SLC14A2: variants seen among roughly 807,000 people sequenced by gnomAD.
The protein encoded by SLC14A2 is solute carrier family 14 member 2, also known as urea transporter 2.
A neutral mutation model predicts 104.6 loss-of-function variants in SLC14A2; 91 were observed. The ratio of observed to expected loss-of-function variants is 0.87; its 90% CI spans 0.73 to 1.04. SLC14A2 has a LOEUF of 1.04. Among genes scored for constraint, SLC14A2 ranks in the 50% least tolerant of loss-of-function variants. The pLI is 0.00. For synonymous variants in SLC14A2, 476 were observed against 466.4 expected (o/e 1.02, Z -0.27); for missense variants, 1,189 against 1,156.0 (o/e 1.03, Z -0.41).
At chr18:45,381,969 C>T (rs1259663961) in intron 1 of SLC14A2, among the ~76,000 whole-genome samples, 1 of 151,972 alleles carries the variant, frequency 6.6e-6, no homozygotes, top group African/African-American at 2.4e-5. Flanking sequence ...CAACTGCTTG[C>T]AAAAAACATG....
chr18:45,593,608 G>C (rs1028314650), intron 2 of SLC14A2, among the ~76,000 whole-genome samples: 3 of 145,640 alleles, frequency 2.1e-5, no homozygotes, highest in African/African-American at 7.6e-5. Context: ...TCCTGCCTCA[G>C]CCTCCCAAGT....
At chr18:45,613,300 G>A (rs2081599658), upstream of SLC14A2, among the ~76,000 whole-genome samples, 1 of 152,174 alleles carries the variant, frequency 6.6e-6, no homozygotes, top group South Asian at 2.1e-4. Flanking sequence ...GGGATTACAG[G>A]TGTGAGCCAC....
intron 2 of SLC14A2, among the ~76,000 whole-genome samples, chr18:45,517,892 G>A (rs145594797): frequency 6.6e-6 from 1 of 152,292 alleles, no homozygotes; most frequent in East Asian, 1.9e-4. Flanking sequence ...AAAACAAACA[G>A]CTTGCTCAAG....
At chr18:45,368,176 G>T (rs529265313) in intron 1 of SLC14A2, among the ~76,000 whole-genome samples, 1 of 152,246 alleles carries the variant, frequency 6.6e-6, no homozygotes, top group East Asian at 1.9e-4. Flanking sequence ...GAAACTTTCT[G>T]CAGGTCTCCT....
At chr18:45,209,267 C>T (rs1264279276), upstream of SLC14A2, among the ~76,000 whole-genome samples, 8 of 151,252 alleles carry the variant, frequency 5.3e-5, no homozygotes, top group South Asian at 2.1e-4. Context: ...GGCATGAACC[C>T]GGGAGGCGGA....
At chr18:45,353,783 A>G (rs1259497690) in intron 1 of SLC14A2, among the ~76,000 whole-genome samples, 1 of 152,218 alleles carries the variant, frequency 6.6e-6, no homozygotes, top group East Asian at 1.9e-4. Flanking sequence ...TTCCAAGACT[A>G]AATATACACC....
At chr18:45,657,833 A>C (rs1465773415) in intron 10 of SLC14A2, among the ~76,000 whole-genome samples, 1 of 152,210 alleles carries the variant, frequency 6.6e-6, no homozygotes, top group Admixed American at 6.5e-5. Context: ...AGTTTAGAGA[A>C]TGATCTTTGA....
intron 1 of SLC14A2, among the ~76,000 whole-genome samples, chr18:45,327,064 A>G (rs1335761567): frequency 2.0e-5 from 3 of 152,130 alleles, no homozygotes; most frequent in African/African-American, 7.2e-5. Flanking sequence ...CCAGCCATCT[A>G]GCTAGCTTTC....
chr18:45,452,952 T>C (rs938656215), intron 1 of SLC14A2, among the ~76,000 whole-genome samples: 1 of 152,160 alleles, frequency 6.6e-6, no homozygotes, highest in Admixed American at 6.5e-5. Context: ...ACTGAAGCAA[T>C]TGCTTAGACA....
chr18:45,478,926 G>A (rs2087439999), intron 1 of SLC14A2, among the ~76,000 whole-genome samples: 1 of 152,184 alleles, frequency 6.6e-6, no homozygotes, highest in African/African-American at 2.4e-5. Context: ...GAAGAGTCCA[G>A]GGATGCTTTT....
Position 45,631,812 on chromosome 18 carries a change from G to A in SLC14A2, c.522-538G>A, listed in dbSNP as rs534232379. Among the ~76,000 whole-genome samples, 52 of 152,200 alleles carry A rather than the reference G, an allele frequency of 3.4e-4. 1 individual carries two copies. The highest frequency in any genetic ancestry group is 6.5e-4 in the Non-Finnish European group (44 of 68,010). On this transcript the variant is annotated intron_variant, in intron 4 of 19. Transcript: ENST00000255226. The stretch of plus-strand genomic sequence containing the variant: ...AATTTTTGTATTTTAGCAGAGATGG[G>A]GTTTCACCATGTTGCCCAGGCTGGT...
intron 2 of SLC14A2, among the ~76,000 whole-genome samples, chr18:45,608,403 C>A (rs1169527321): frequency 6.6e-6 from 1 of 152,192 alleles, no homozygotes; most frequent in Non-Finnish European, 1.5e-5. Flanking sequence ...ACCATCCCTG[C>A]CTCATGGATT....
intron 4 of SLC14A2, among the ~76,000 whole-genome samples, chr18:45,629,124 G>GA (rs2045305852): frequency 6.6e-6 from 1 of 152,206 alleles, no homozygotes; most frequent in Admixed American, 6.5e-5. Flanking sequence ...GCCCATTGGT[G>GA]AACCCAAAGT....
chr18:45,583,785 A>G (rs1222635513), intron 2 of SLC14A2, among the ~76,000 whole-genome samples: 1 of 152,154 alleles, frequency 6.6e-6, no homozygotes, highest in Non-Finnish European at 1.5e-5. Context: ...GTATAAAAAC[A>G]CCCACTGTGG....
chr18:45,263,327 A>G (rs2084558726), intron 1 of SLC14A2, among the ~76,000 whole-genome samples: 3 of 152,224 alleles, frequency 2.0e-5, no homozygotes, highest in South Asian at 4.1e-4. Flanking sequence ...TTCTCAGCGT[A>G]TAAGATCAGG....
chr18:45,362,138 A>G (rs9950394), intron 1 of SLC14A2, among the ~76,000 whole-genome samples: 69,846 of 152,176 alleles, frequency 0.46, 18,311 homozygotes, highest in African/African-American at 0.72. Context: ...TTCTTCACTC[A>G]CTTGCTCTCC....
the SLC14A2 span, among the ~76,000 whole-genome samples, chr18:45,191,201 G>A: frequency 7.2e-5 from 11 of 152,074 alleles, no homozygotes; most frequent in Admixed American, 5.9e-4. Context: ...TGAAGGCAGA[G>A]GCTGTGCCCT....
intron 1 of SLC14A2, among the ~76,000 whole-genome samples, chr18:45,289,230 ATCT>A (rs1043322598): frequency 6.6e-6 from 1 of 151,912 alleles, no homozygotes; most frequent in Non-Finnish European, 1.5e-5. Context: ...CACATTTTTA[ATCT>A]TCTTTTTTAC....
chr18:45,419,983 G>C lies in SLC14A2; in HGVS notation c.-124-63250G>C, dbSNP rs564224222. ...TAACAGATTGTTCCAAAATATAATG[G>C]CTTAAAACAACAATAGTCATTTAAT... is the stretch of plus-strand genomic sequence containing the variant. On this transcript the variant is annotated intron_variant, in intron 1 of 20. Transcript: ENST00000586448. 2.3e-3 allele frequency among the ~76,000 whole-genome samples: 349 copies of C among 152,272 alleles called. 1 individual carries two copies. The highest frequency in any genetic ancestry group is 8.1e-3 in the African/African-American group (336 of 41,548).
Sources: allele counts gnomAD v4.1 joint callset (sites outside exome capture counted in the v4.1 genomes callset), GRCh38; gene constraint gnomAD v4.1.1; transcripts MANE v1.5; gene names NCBI Gene and HGNC (gene_info 2026-07-23, HGNC 2026-07-21).